The following SKAP2 variants were observed in gnomAD, a reference collection of about 807,000 sequenced individuals.
SKAP2 encodes the protein src kinase associated phosphoprotein 2.
Under a neutral mutation model 54.9 loss-of-function variants are expected in SKAP2, and 28 were observed. The observed-to-expected ratio is 0.51, with a 90% CI of 0.38 to 0.70. SKAP2 has a LOEUF of 0.70. Among genes scored for constraint, SKAP2 ranks in the 30% least tolerant of loss-of-function variants. The pLI, the probability that SKAP2 is intolerant of heterozygous loss-of-function variation, is 0.00. For missense variants in SKAP2, 356 were observed against 424.1 expected, an observed-to-expected ratio of 0.84 and a Z score of 1.41; for synonymous variants, 137 against 134.3, an observed-to-expected ratio of 1.02 and a Z score of -0.14.
intron 11 of SKAP2, among the ~76,000 whole-genome samples, chr7:26,677,533 A>C (rs1786378491): frequency 6.6e-6 from 1 of 151,984 alleles, no homozygotes; most frequent in Non-Finnish European, 1.5e-5. Context: ...ATAGACACAG[A>C]AAATAAGCAT....
At chr7:26,719,392 G>T (rs904557113) in intron 9 of SKAP2, among the ~76,000 whole-genome samples, 1 of 152,072 alleles carries the variant, frequency 6.6e-6, no homozygotes, top group African/African-American at 2.4e-5. Flanking sequence ...GGTCCAAAAA[G>T]ATAGAGAAGT....
At chr7:26,813,488 C>G (rs575425559) in intron 4 of SKAP2, among the ~76,000 whole-genome samples, 72 of 152,314 alleles carry the variant, frequency 4.7e-4, no homozygotes, top group Admixed American at 1.4e-3. Flanking sequence ...TATTCTACCA[C>G]CACAAAAGGA....
intron 4 of SKAP2, among the ~76,000 whole-genome samples, chr7:26,760,907 A>G (rs1038514419): frequency 6.6e-6 from 1 of 152,230 alleles, no homozygotes; most frequent in Non-Finnish European, 1.5e-5. Context: ...AAATGAATCA[A>G]TAGTCAGTAG....
chr7:26,830,595 A>C (rs1784576897), intron 4 of SKAP2, among the ~76,000 whole-genome samples: 2 of 152,142 alleles, frequency 1.3e-5, no homozygotes, highest in African/African-American at 4.8e-5. Flanking sequence ...TCTGTAAATC[A>C]ATGTGCTATT....
intron 1 of SKAP2, chr7:26,857,316 A>AAAAAAAAAAAAAAAAAAAAC (rs1785186782): frequency 4.6e-6 from 1 of 219,610 alleles, no homozygotes; most frequent in Non-Finnish European, 7.5e-6. Context: ...TGCTTAAAAA[A>AAAAAAAAAAAAAAAAAAAAC]AAAAAAAAAA....
intron 9 of SKAP2, among the ~76,000 whole-genome samples, chr7:26,694,445 A>G (rs1004229422): frequency 1.3e-5 from 2 of 149,940 alleles, no homozygotes; most frequent in African/African-American, 5.0e-5. Flanking sequence ...ACATTGTTAG[A>G]AGAATCATCA....
intron 4 of SKAP2, among the ~76,000 whole-genome samples, chr7:26,741,109 A>C (rs1463912070): frequency 6.6e-6 from 1 of 152,234 alleles, no homozygotes; most frequent in Non-Finnish European, 1.5e-5. Context: ...GTTTCAGTAC[A>C]ACTTAGGATA....
At chr7:26,677,409 A>AT (rs1179876542) in intron 11 of SKAP2, among the ~76,000 whole-genome samples, 7 of 151,644 alleles carry the variant, frequency 4.6e-5, no homozygotes, top group Admixed American at 2.0e-4. Flanking sequence ...AAAAAAAAAA[A>AT]AAAAAAGAAG....
At chr7:26,738,360 T>C (rs931324681) in intron 6 of SKAP2, among the ~76,000 whole-genome samples, 4 of 152,216 alleles carry the variant, frequency 2.6e-5, no homozygotes, top group African/African-American at 9.6e-5. Flanking sequence ...TGTTATTCCT[T>C]AAATCTGTAA....
At chr7:26,764,810 CA>C (rs2127972397) in intron 4 of SKAP2, among the ~76,000 whole-genome samples, 1 of 152,262 alleles carries the variant, frequency 6.6e-6, no homozygotes, top group South Asian at 2.1e-4. Context: ...CTCGGCCTCC[CA>C]AAGTGCTGGG....
intron 11 of SKAP2, among the ~76,000 whole-genome samples, chr7:26,670,947 G>A (rs1786216333): frequency 6.6e-6 from 1 of 151,874 alleles, no homozygotes; most frequent in African/African-American, 2.4e-5. Flanking sequence ...AGGTATAAAG[G>A]CAAAATATTA....
intron 4 of SKAP2, among the ~76,000 whole-genome samples, chr7:26,780,032 T>C (rs1255129364): frequency 5.3e-5 from 8 of 152,038 alleles, no homozygotes; most frequent in African/African-American, 1.7e-4. Flanking sequence ...ATATATTCAA[T>C]AGAAAGTACT....
chr7:26,706,304 A>G (rs1787153926), intron 9 of SKAP2, among the ~76,000 whole-genome samples: 1 of 152,288 alleles, frequency 6.6e-6, no homozygotes, highest in Admixed American at 6.5e-5. Context: ...GTAAAGTAAA[A>G]CTTCAAACTT....
At chr7:26,758,501 T>C (rs750477240) in intron 4 of SKAP2, among the ~76,000 whole-genome samples, 3 of 152,186 alleles carry the variant, frequency 2.0e-5, no homozygotes, top group Admixed American at 2.0e-4. Context: ...ATTCTTCAAA[T>C]AGTCCAAGTC....
intron 4 of SKAP2, among the ~76,000 whole-genome samples, chr7:26,780,453 G>C (rs1783403429): frequency 6.6e-6 from 1 of 152,066 alleles, no homozygotes; most frequent in Admixed American, 6.6e-5. Context: ...TGGCCAGACA[G>C]ATTCTGTTAC....
chr7:26,846,831 G>A (rs1784932141), intron 3 of SKAP2, among the ~76,000 whole-genome samples: 1 of 151,982 alleles, frequency 6.6e-6, no homozygotes, highest in African/African-American at 2.4e-5. Flanking sequence ...ATATACAAAA[G>A]TTAGCCGGGC....
At chr7:26,832,478 C>G (rs1384632813) in intron 4 of SKAP2, among the ~76,000 whole-genome samples, 2 of 152,176 alleles carry the variant, frequency 1.3e-5, no homozygotes, top group Non-Finnish European at 1.5e-5. Context: ...ATAGACTAAG[C>G]ATCAACCTTT....
chr7:26,861,374 T>C (rs1170248496), intron 1 of SKAP2, among the ~76,000 whole-genome samples: 1 of 152,122 alleles, frequency 6.6e-6, no homozygotes, highest in African/African-American at 2.4e-5. Context: ...TTTTCCATTG[T>C]TGTAGAAAAG....
intron 9 of SKAP2, among the ~76,000 whole-genome samples, chr7:26,694,690 CT>C (rs1338793003): frequency 6.6e-6 from 1 of 151,360 alleles, no homozygotes; most frequent in Non-Finnish European, 1.5e-5. Context: ...ACCCACCCCT[CT>C]TTTTAATAGA....
Sources: gnomAD v4.1 joint callset for allele counts (sites outside exome capture counted in the v4.1 genomes callset) on GRCh38, gnomAD v4.1.1 for gene constraint, MANE v1.5 for transcripts, NCBI Gene and HGNC (gene_info 2026-07-23, HGNC 2026-07-21) for gene names.